SNTG2: variants seen among roughly 807,000 people sequenced by gnomAD.
SNTG2 encodes the protein gamma-2-syntrophin.
SNTG2 carries 74 observed loss-of-function variants against 70.9 expected under a neutral mutation model. The observed-to-expected ratio is 1.04, with a 90% CI of 0.86 to 1.27. The LOEUF (loss-of-function observed/expected upper bound fraction) is 1.27, where lower values mean the gene tolerates loss of function less well. Among genes scored for constraint, SNTG2 ranks in the 50% most tolerant of loss-of-function variants. The pLI is 0.00. For synonymous variants in SNTG2, 278 were observed against 273.8 expected, an observed-to-expected ratio of 1.02 and a Z score of -0.15; for missense variants, 717 against 690.7, an observed-to-expected ratio of 1.04 and a Z score of -0.43.
At chr2:1,270,412 C>T (rs907919755) in intron 14 of SNTG2, among the ~76,000 whole-genome samples, 1 of 152,212 alleles carries the variant, frequency 6.6e-6, no homozygotes, top group Admixed American at 6.5e-5. Context: ...AGGCTGGATG[C>T]ATTGCACGTA....
chr2:1,104,695 G>A (rs770206714), intron 4 of SNTG2, among the ~76,000 whole-genome samples: 9 of 152,174 alleles, frequency 5.9e-5, no homozygotes, highest in East Asian at 1.9e-4. Context: ...TGGGGACTCC[G>A]TCCAGGAGGG....
chr2:1,275,571 C>G (rs1037262652), intron 14 of SNTG2, among the ~76,000 whole-genome samples: 2 of 152,238 alleles, frequency 1.3e-5, no homozygotes. Context: ...TATGTGTGTT[C>G]TGATTGCTCC....
At chr2:1,112,717 T>C (rs1666577801) in intron 4 of SNTG2, among the ~76,000 whole-genome samples, 1 of 149,698 alleles carries the variant, frequency 6.7e-6, no homozygotes, top group South Asian at 2.1e-4. Flanking sequence ...ACCCTTACAG[T>C]CCTTTGAGGA....
intron 4 of SNTG2, among the ~76,000 whole-genome samples, chr2:1,118,813 A>C (rs1015158485): frequency 2.6e-5 from 4 of 152,018 alleles, no homozygotes; most frequent in Non-Finnish European, 4.4e-5. Flanking sequence ...GGGACTGAGA[A>C]GGAGCAAAAA....
intron 9 of SNTG2, among the ~76,000 whole-genome samples, chr2:1,227,405 G>T (rs55924971): frequency 6.6e-6 from 1 of 152,156 alleles, no homozygotes; most frequent in Non-Finnish European, 1.5e-5. Context: ...GTCGGCCCCT[G>T]GCTGGTGTCC....
At chr2:1,060,422 C>G (rs751057981) in intron 1 of SNTG2, among the ~76,000 whole-genome samples, 1 of 152,108 alleles carries the variant, frequency 6.6e-6, no homozygotes, top group Non-Finnish European at 1.5e-5. Context: ...AAGTGTCCTA[C>G]CGTGGAGCAC....
rs2147861978 is a variant in SNTG2 at position 1,166,191 on chromosome 2, G to A, written c.499+556G>A. Among the ~76,000 whole-genome samples the A allele has an allele frequency of 1.3e-5, 2 of 152,256 alleles. 1 individual carries two copies. On this transcript the variant is annotated intron_variant, in intron 7 of 16. Coordinates refer to ENST00000308624, the MANE Select transcript of SNTG2 (RefSeq NM_018968.4). The stretch of plus-strand genomic sequence containing the variant: ...TATTCAGCTGTCATGGCTTTATAAA[G>A]GTTGGAGTCACCACCGTTCCTTTGA...
At chr2:1,062,663 A>C (rs1296290667) in intron 1 of SNTG2, among the ~76,000 whole-genome samples, 5 of 152,196 alleles carry the variant, frequency 3.3e-5, no homozygotes, top group African/African-American at 1.2e-4. Flanking sequence ...TGGTACATAA[A>C]ATGTTGAGTT....
Position 1,097,897 on chromosome 2 carries a change from A to G in SNTG2, c.211-299A>G, listed in dbSNP as rs550636988. On this transcript the variant is annotated intron_variant, in intron 2 of 16. Transcript: ENST00000308624. This position sits in a 1 kb window ranked among gnomAD's most constrained non-coding sequence, Gnocchi z 4.1. ...GAGAAGGTGGACCCCTCGTTTCTTC[A>G]TGGAGCTCCGTTCCTCACAAGCAGA... is the stretch of plus-strand genomic sequence containing the variant. 7.2e-5 allele frequency among the ~76,000 whole-genome samples: 11 copies of G among 151,762 alleles called. 2 individuals carry two copies. Among genetic ancestry groups the G allele is most frequent in the African/African-American group, 2.7e-4 (11 of 41,424 alleles).
intron 8 of SNTG2, among the ~76,000 whole-genome samples, chr2:1,195,542 T>C (rs1572698397): frequency 6.6e-6 from 1 of 152,254 alleles, no homozygotes; most frequent in East Asian, 1.9e-4. Context: ...TGTCTGTTCA[T>C]ATCTGCCACC....
intron 16 of SNTG2, among the ~76,000 whole-genome samples, chr2:1,328,795 C>A (rs1027195765): frequency 1.3e-5 from 2 of 151,834 alleles, no homozygotes; most frequent in Non-Finnish European, 2.9e-5. Context: ...ACGTGTGTAT[C>A]CACACACACA....
intron 16 of SNTG2, among the ~76,000 whole-genome samples, chr2:1,355,961 A>T (rs1387447789): frequency 6.6e-6 from 1 of 152,180 alleles, no homozygotes; most frequent in South Asian, 2.1e-4. Context: ...ATGCCTTTTC[A>T]TGTTTGCTGG....
intron 1 of SNTG2, among the ~76,000 whole-genome samples, chr2:1,071,128 C>T (rs568421171): frequency 7.9e-5 from 12 of 152,270 alleles, no homozygotes; most frequent in East Asian, 1.9e-4. Context: ...TCACTTCTAC[C>T]TTAAAAACTA....
At position 1,142,150 on chromosome 2, in the gene SNTG2, CCA is replaced by C. The variant is rs571133851; in HGVS notation, c.411+4342_411+4343del. 2.0e-4 allele frequency among the ~76,000 whole-genome samples: 30 copies of C among 152,336 alleles called. No homozygotes were observed. In the East Asian group the frequency reaches 4.6e-3, roughly 24 times the overall value. On this transcript the variant is annotated intron_variant, in intron 6 of 16. Coordinates refer to ENST00000308624, the MANE Select transcript of SNTG2 (RefSeq NM_018968.4). ...CCCAGGCCTCTTTACTGTGGTAAGT[CCA>C]GTCTCTATCCACCTGACCTGGAGAT...
intron 1 of SNTG2, among the ~76,000 whole-genome samples, chr2:1,062,092 A>G (rs1662864386): frequency 6.6e-6 from 1 of 152,194 alleles, no homozygotes. Flanking sequence ...AAATGCTACA[A>G]TGAAGGATTT....
intron 1 of SNTG2, among the ~76,000 whole-genome samples, chr2:1,042,351 C>T (rs116168282): frequency 0.02 from 2,978 of 152,196 alleles, 100 homozygotes; most frequent in African/African-American, 0.068. Context: ...ACTAGTATTT[C>T]TTTAATGATT....
chr2:1,093,903 C>A (rs972568538), intron 2 of SNTG2, among the ~76,000 whole-genome samples: 3 of 114,390 alleles, frequency 2.6e-5, no homozygotes, highest in Non-Finnish European at 5.5e-5. Context: ...GCAAGGGCTG[C>A]CTTCCTGGCT....
intron 1 of SNTG2, among the ~76,000 whole-genome samples, chr2:1,063,221 G>C (rs1205088023): frequency 6.6e-6 from 1 of 152,276 alleles, no homozygotes; most frequent in African/African-American, 2.4e-5. Context: ...TCCTAGAGGA[G>C]CAGATATCCA....
intron 7 of SNTG2, among the ~76,000 whole-genome samples, chr2:1,166,693 A>C (rs1670730577): frequency 6.6e-6 from 1 of 151,858 alleles, no homozygotes; most frequent in Non-Finnish European, 1.5e-5. Context: ...GAGGACAGGC[A>C]CTCCTGTTCT....
Sources: allele counts gnomAD v4.1 joint callset (sites outside exome capture counted in the v4.1 genomes callset), GRCh38; gene constraint gnomAD v4.1.1; non-coding constraint Gnocchi (gnomAD v3.1); transcripts MANE v1.5; gene names NCBI Gene and HGNC (gene_info 2026-07-23, HGNC 2026-07-21).